Variants in DOCK1 observed in about 807,000 individuals in gnomAD.
The protein encoded by DOCK1 is dedicator of cytokinesis protein 1.
Under a neutral mutation model 262.7 loss-of-function variants are expected in DOCK1, and 138 were observed. That is an observed-to-expected ratio of 0.53 (90% CI 0.46 to 0.61). DOCK1 has a LOEUF of 0.61. Among genes scored for constraint, DOCK1 ranks in the 20% least tolerant of loss-of-function variants. DOCK1 has a pLI of 0.00. For synonymous variants in DOCK1, 866 were observed against 867.4 expected, an observed-to-expected ratio of 1.00 and a Z score of 0.03; for missense variants, 1,908 against 2,370.7, an observed-to-expected ratio of 0.80 and a Z score of 4.05.
At chr10:127,156,976 A>G (rs986569797) in intron 27 of DOCK1, among the ~76,000 whole-genome samples, 10 of 152,236 alleles carry the variant, frequency 6.6e-5, no homozygotes, top group Non-Finnish European at 1.3e-4. Flanking sequence ...TATTAAGTAC[A>G]TACTAAGTGT....
intron 27 of DOCK1, among the ~76,000 whole-genome samples, chr10:127,196,717 G>A (rs2057191017): frequency 2.0e-5 from 2 of 102,526 alleles, no homozygotes; most frequent in East Asian, 4.6e-4. Context: ...AGCTGGAGGA[G>A]GAGGAGGAAG....
At chr10:127,226,338 A>G (rs2058638623) in intron 27 of DOCK1, among the ~76,000 whole-genome samples, 1 of 152,136 alleles carries the variant, frequency 6.6e-6, no homozygotes, top group Non-Finnish European at 1.5e-5. Context: ...ATCAAACAAG[A>G]ACAGGGTTGG....
chr10:127,153,469 A>G (rs1316075087), intron 27 of DOCK1, among the ~76,000 whole-genome samples: 1 of 152,180 alleles, frequency 6.6e-6, no homozygotes. Flanking sequence ...AGGTCTTTCC[A>G]TGGTATTCCT....
chr10:127,245,639 C>T (rs955513517), intron 27 of DOCK1, among the ~76,000 whole-genome samples: 36 of 152,306 alleles, frequency 2.4e-4, no homozygotes, highest in Admixed American at 7.2e-4. Flanking sequence ...CTCCGCATGA[C>T]GTGACAGTCT....
At chr10:126,985,938 G>A (rs537501108) in intron 4 of DOCK1, among the ~76,000 whole-genome samples, 13 of 152,080 alleles carry the variant, frequency 8.5e-5, no homozygotes, top group African/African-American at 2.4e-4. Context: ...TCCGTCTCCC[G>A]GGTTCAAGTG....
rs543765013 is a variant in DOCK1 at position 127,097,601 on chromosome 10, G to A, written c.2446-8630G>A. Among the ~76,000 whole-genome samples the A allele has an allele frequency of 3.3e-5, 5 of 152,262 alleles. No homozygotes were observed. In the East Asian group the frequency reaches 7.7e-4, roughly 24 times the overall value. On this transcript the variant is annotated intron_variant, in intron 23 of 51. Coordinates refer to ENST00000623213, the MANE Select transcript of DOCK1 (RefSeq NM_001290223.2). The stretch of plus-strand genomic sequence containing the variant: ...GTCCTGCACACGTGTTGATTGGTCC[G>A]AGGACTAAATGCAGGTAGAATCAGA...
chr10:127,000,394 T>C (rs2135148129), intron 10 of DOCK1, 87 bp downstream of exon 10: 3 of 1,499,014 alleles, frequency 2.0e-6, no homozygotes, highest in Non-Finnish European at 2.7e-6. Context: ...GATTGGACAA[T>C]GCACAGCTGT....
rs565353780 is a variant in DOCK1, at chr10:127,061,699, G to A, written c.2368G>A (p.Val790Met). ...LYENKGEADF[V>M]ESLLQLFRSI... ...TGAAAACAAGGGAGAGGCTGACTTC[G>A]TGGAATCTTTGCTGCAGCTCTTCAG... is the stretch of plus-strand genomic sequence containing the variant. The change falls in exon 23 of 52, where the codon GTG becomes ATG. Residue 790 changes from valine (V) to methionine (M), a missense_variant. By Grantham distance (21) the Val-to-Met change is conservative (BLOSUM62 1). This residue lies in a region of DOCK1 where 518 missense variants were observed against 575.1 expected (regional missense o/e 0.90). Coordinates refer to ENST00000623213, the MANE Select transcript of DOCK1 (RefSeq NM_001290223.2). 8.7e-6 allele frequency: 14 copies of A among 1,600,872 alleles called. No individual in the cohort carries two copies. The highest frequency in any genetic ancestry group is 4.5e-5 in the East Asian group (2 of 44,472).
rs573492346 is a variant in DOCK1 at position 127,020,988 on chromosome 10, T to C, written c.1327+2153T>C. Among the ~76,000 whole-genome samples the C allele has an allele frequency of 6.6e-5, 10 of 152,290 alleles. No homozygotes were observed. In the East Asian group the frequency reaches 1.9e-3, roughly 30 times the overall value. Reference sequence around the variant, plus strand: ...CCAGGCAGGCGATGCCAAGTTTTCCTTTGAGCTGGGAAGGTAGCAGGAGTC... The same window carrying C: ...CCAGGCAGGCGATGCCAAGTTTTCCCTTGAGCTGGGAAGGTAGCAGGAGTC... On this transcript the variant is annotated intron_variant, in intron 13 of 51. Transcript: ENST00000623213.
At chr10:127,019,241 G>A (rs537524192) in intron 13 of DOCK1, among the ~76,000 whole-genome samples, 1 of 152,194 alleles carries the variant, frequency 6.6e-6, no homozygotes, top group Admixed American at 6.5e-5. Context: ...GCTAGTGTAC[G>A]TTATACTGGC....
chr10:127,090,651 ACT>A (rs2047465494), intron 23 of DOCK1, among the ~76,000 whole-genome samples: 1 of 151,922 alleles, frequency 6.6e-6, no homozygotes. Context: ...CGTTACAGTC[ACT>A]CTGTTTCCCC....
intron 22 of DOCK1, among the ~76,000 whole-genome samples, chr10:127,060,966 C>A (rs1184829862): frequency 6.6e-6 from 1 of 152,196 alleles, no homozygotes; most frequent in African/African-American, 2.4e-5. Flanking sequence ...TGGCGGCTCA[C>A]GCCTGTAATC....
intron 1 of DOCK1, among the ~76,000 whole-genome samples, chr10:126,937,711 A>G (rs2034650114): frequency 6.6e-6 from 1 of 151,172 alleles, no homozygotes; most frequent in Non-Finnish European, 1.5e-5. Flanking sequence ...CTTTGTTTTT[A>G]TTGAGTTGTA....
At chr10:127,004,140 G>A (rs1215368042) in intron 10 of DOCK1, among the ~76,000 whole-genome samples, 3 of 151,930 alleles carry the variant, frequency 2.0e-5, no homozygotes, top group Admixed American at 6.6e-5. Context: ...TGTAATCCCA[G>A]CTACTCAGGA....
rs996721292 is a variant in DOCK1 at position 127,161,317 on chromosome 10, T to C, written c.2847+33553T>C. Among the ~76,000 whole-genome samples the C allele has an allele frequency of 7.2e-4, 110 of 152,174 alleles. 1 individual carries two copies. The highest frequency in any genetic ancestry group is 7.2e-3 in the Admixed American group (110 of 15,276). ...TATGAAGTTGATTTTCATAACCAAC[T>C]CCCAGGATCACCCCTTCATTAGTCA... On this transcript the variant is annotated intron_variant, in intron 27 of 51. Coordinates refer to ENST00000623213, the MANE Select transcript of DOCK1 (RefSeq NM_001290223.2).
chr10:127,432,725 G>A (rs544596043), intron 47 of DOCK1, among the ~76,000 whole-genome samples: 1 of 151,632 alleles, frequency 6.6e-6, no homozygotes, highest in East Asian at 1.9e-4. Context: ...CCTAGCAAGT[G>A]GGAGAAGCTT....
At chr10:127,124,832 A>G (rs769324901) in intron 25 of DOCK1, among the ~76,000 whole-genome samples, 3 of 152,218 alleles carry the variant, frequency 2.0e-5, no homozygotes, top group Non-Finnish European at 4.4e-5. Context: ...GCTGCAATTC[A>G]AATAATTTGT....
chr10:127,134,563 T>A (rs2133184136), intron 27 of DOCK1, among the ~76,000 whole-genome samples: 1 of 152,284 alleles, frequency 6.6e-6, no homozygotes, highest in South Asian at 2.1e-4. Context: ...GTAGAGTGAC[T>A]GGTGGGCACC....
chr10:127,271,913 T>C (rs2060582505), intron 29 of DOCK1: 2 of 127,186 alleles, frequency 1.6e-5, no homozygotes, highest in African/African-American at 5.4e-5. Flanking sequence ...CCTCTTATTC[T>C]CTTTAAGATC....
Sources: allele counts gnomAD v4.1 joint callset (sites outside exome capture counted in the v4.1 genomes callset), GRCh38; gene constraint gnomAD v4.1.1; regional missense constraint gnomAD v4.1.1; transcripts MANE v1.5; gene names NCBI Gene and HGNC (gene_info 2026-07-23, HGNC 2026-07-21).